Variants in STARD9 observed in about 807,000 individuals in gnomAD.
STARD9 encodes stAR-related lipid transfer protein 9.
STARD9 carries 346 observed loss-of-function variants against 399.8 expected under a neutral mutation model. The observed-to-expected ratio is 0.87, with a 90% CI of 0.79 to 0.95. STARD9 has a LOEUF of 0.95. STARD9 is among the 40% of genes least tolerant of loss of function. The pLI is 0.00. For synonymous variants in STARD9, 2,203 were observed against 2,143.5 expected (o/e 1.03, Z -0.77); for missense variants, 5,832 against 5,667.5 (o/e 1.03, Z -0.93).
In STARD9 at chr15:42,682,496, C is replaced by T. The variant is rs777891166; in HGVS notation, c.2458C>T (p.Pro820Ser). Reference sequence around the variant, plus strand: ...CCCTGATGCCACAGTCCCACGGCCTCCATGTAGAAGCAAATTGACGAGTTG... The same window carrying T: ...CCCTGATGCCACAGTCCCACGGCCTTCATGTAGAAGCAAATTGACGAGTTG... ...LSPDATVPRP[P>S]CRSKLTSCSS... is the part of the protein sequence containing the mutation. The change falls in exon 22 of 33, where the codon CCA (proline) becomes TCA (serine). Residue 820 changes from proline to serine, a missense_variant. Physicochemically the swap from Pro to Ser is moderately conservative, Grantham distance 74. Around this residue, in one of 2 missense-constraint regions of STARD9, gnomAD observed 5,828 missense variants for 5,651.1 expected, o/e 1.03. Coordinates refer to ENST00000290607, the MANE Select transcript of STARD9 (RefSeq NM_020759.3). The T allele has an allele frequency of 2.6e-6, 4 of 1,537,182 alleles. No individual in the cohort carries two copies. Among genetic ancestry groups the T allele is most frequent in the Middle Eastern group, 1.7e-4 (1 of 5,990 alleles).
chr15:42,662,565 A>G (rs1356192398), intron 10 of STARD9, among the ~76,000 whole-genome samples: 1 of 152,252 alleles, frequency 6.6e-6, no homozygotes. Context: ...CAGTCAAAAT[A>G]AAAACAGAAA....
chr15:42,694,430 C>T lies in STARD9; in HGVS notation c.12764+88C>T, dbSNP rs554472996. The T allele has an allele frequency of 2.4e-5, 36 of 1,526,008 alleles. No homozygotes were observed. The African/African-American group carries it at 4.5e-4, about 19-fold the overall frequency. The allele number at this position is 1,526,008 out of a possible 1,614,324, so 94.5% of individuals were successfully genotyped here. A position where few individuals can be genotyped will look rare whatever the true frequency, so the allele number is the denominator to read the frequency against. ...GAAAGCTAATAGCTTGCTGTTTCCT[C>T]TGCCCTGGTTCATCTCTGGGATCTT... is the stretch of plus-strand genomic sequence containing the variant. On this transcript the variant is annotated intron_variant, in intron 23 of 32. Coordinates refer to ENST00000290607, the MANE Select transcript of STARD9 (RefSeq NM_020759.3).
At position 42,686,692 on chromosome 15, in the gene STARD9, C is replaced by G. The variant is rs1034458334; in HGVS notation, c.5114C>G (p.Ser1705Cys). 1.3e-6 allele frequency: 2 copies of G among 1,537,686 alleles called. No individual in the cohort carries two copies. The highest frequency in any genetic ancestry group is 1.7e-6 in the Non-Finnish European group (2 of 1,147,006). ...EEEKTDCQES[S>C]KEAVRRHINV... ...GAGAAGACAGATTGCCAGGAGAGCT[C>G]TAAGGAAGCAGTTAGAAGACACATA... The change falls in exon 23 of 33, where the codon TCT (serine) becomes TGT (cysteine). Residue 1705 changes from serine (S) to cysteine (C), a missense_variant. Around this residue, in one of 2 missense-constraint regions of STARD9, gnomAD observed 5,828 missense variants for 5,651.1 expected, o/e 1.03. Coordinates refer to ENST00000290607, the MANE Select transcript of STARD9 (RefSeq NM_020759.3).
rs765925448 is a variant in STARD9 at position 42,661,167 on chromosome 15, G to T, written c.712G>T (p.Glu238Ter). Residue 238 changes from glutamate (E) to a stop codon, truncating the protein, a stop_gained, in exon 10 of 33, where the codon GAG (glutamate) becomes TAG (stop). Transcript: ENST00000290607. LOFTEE classifies it high-confidence loss of function. ...ATGTTTTCTCCTCTAGGCAATCCTG[G>T]AGAACAACCTCCCTTCTGAAATGGC... ...FTIHYTQAIL[E>*]NNLPSEMASK... 4 of 1,536,398 alleles carry T rather than the reference G, an allele frequency of 2.6e-6. No individual in the cohort carries two copies. In the South Asian group the frequency reaches 4.8e-5, roughly 18 times the overall value.
At chr15:42,714,229 A>T (rs1338138671) in intron 26 of STARD9, among the ~76,000 whole-genome samples, 8 of 151,586 alleles carry the variant, frequency 5.3e-5, no homozygotes. Context: ...TGCCCGGCTA[A>T]TTTTTTTGTA....
At chr15:42,703,665 G>A (rs757222232) in intron 26 of STARD9, among the ~76,000 whole-genome samples, 3 of 151,710 alleles carry the variant, frequency 2.0e-5, no homozygotes, top group East Asian at 1.9e-4. Context: ...GGGCCACCGC[G>A]CCTGGCCACA....
At position 42,688,120 on chromosome 15, in the gene STARD9, G is replaced by T; in HGVS notation, c.6542G>T (p.Cys2181Phe). 6.5e-7 allele frequency: 1 copy of T among 1,537,338 alleles called. No individual in the cohort carries two copies. Among genetic ancestry groups the T allele is most frequent in the Non-Finnish European group, 8.7e-7 (1 of 1,146,948 alleles). ...AGSDRPARDI[C>F]DSLGKHTTCR... Reference sequence around the variant, plus strand: ...TCGGACAGACCTGCCAGGGATATTTGTGATTCTTTAGGGAAACACACAACT... The same window carrying T: ...TCGGACAGACCTGCCAGGGATATTTTTGATTCTTTAGGGAAACACACAACT... The change falls in exon 23 of 33, where the codon TGT becomes TTT. Residue 2181 changes from cysteine to phenylalanine, a missense_variant. Around this residue, in one of 2 missense-constraint regions of STARD9, gnomAD observed 5,828 missense variants for 5,651.1 expected, o/e 1.03. Coordinates refer to ENST00000290607, the MANE Select transcript of STARD9 (RefSeq NM_020759.3).
At position 42,720,614 on chromosome 15, in the gene STARD9, A is replaced by G. The variant is rs2061434959; in HGVS notation, c.*1040A>G. 1 of 152,146 alleles carries G rather than the reference A, an allele frequency of 6.6e-6. No individual in the cohort carries two copies. Among genetic ancestry groups the G allele is most frequent in the Non-Finnish European group, 1.5e-5 (1 of 68,040 alleles). 9.4% of individuals were successfully genotyped at this position (152,146 alleles called of 1,614,324 possible). A position where few individuals can be genotyped will look rare whatever the true frequency, so the allele number is the denominator to read the frequency against. Reference sequence around the variant, plus strand: ...TTCTTGTACTTTAGCCTGGCTGAACATGAACTTTGTGTTTACCTGGAAGTG... The same window carrying G: ...TTCTTGTACTTTAGCCTGGCTGAACGTGAACTTTGTGTTTACCTGGAAGTG... On this transcript the variant is annotated 3_prime_UTR_variant, in exon 33 of 33. Coordinates refer to ENST00000290607, the MANE Select transcript of STARD9 (RefSeq NM_020759.3).
Position 42,674,463 on chromosome 15 carries a change from G to T in STARD9, c.1521G>T (p.Arg507Ser). 6.5e-7 allele frequency: 1 copy of T among 1,537,118 alleles called. No individual in the cohort carries two copies. ...HLKEGTTKIGRIDSDQEQDIV... is the reference protein window; with the variant it reads ...HLKEGTTKIGSIDSDQEQDIV... The stretch of plus-strand genomic sequence containing the variant: ...AGGAAGGGACAACAAAAATAGGAAG[G>T]ATTGACTCAGACCAGGAACAGGACA... The change falls in exon 17 of 33, where the codon AGG becomes AGT. Residue 507 changes from arginine (R) to serine (S), a missense_variant. Physicochemically the swap from Arg to Ser is moderately radical, Grantham distance 110 (BLOSUM62 -1). This residue lies in a region of STARD9 where 5,828 missense variants were observed against 5,651.1 expected (regional missense o/e 1.03). Transcript: ENST00000290607.
rs1385368216 is a variant in STARD9, at chr15:42,693,033, T to C, written c.11455T>C (p.Leu3819=). Residue 3819 remains leucine, a synonymous_variant, in exon 23 of 33, where the codon TTG becomes CTG. Coordinates refer to ENST00000290607, the MANE Select transcript of STARD9 (RefSeq NM_020759.3). ...GAGCCCTTCAATACCCTCATCCCAC[T>C]TGAGGTTTCAGAAAGCCCCCGTTGG... ...PQSPSIPSSH[L]RFQKAPVGQH... 2.0e-6 allele frequency: 3 copies of C among 1,537,156 alleles called. No homozygotes were observed. The highest frequency in any genetic ancestry group is 2.6e-6 in the Non-Finnish European group (3 of 1,146,886).
chr15:42,659,995 G>A (rs2140083658), intron 9 of STARD9, among the ~76,000 whole-genome samples: 1 of 152,324 alleles, frequency 6.6e-6, no homozygotes, highest in African/African-American at 2.4e-5. Context: ...ATGGATAACT[G>A]TGGTATATCC....
At position 42,687,355 on chromosome 15, in the gene STARD9, T is replaced by G; in HGVS notation, c.5777T>G (p.Val1926Gly). 1.3e-6 allele frequency: 2 copies of G among 1,536,728 alleles called. No homozygotes were observed. The highest frequency in any genetic ancestry group is 8.7e-7 in the Non-Finnish European group (1 of 1,146,918). The change falls in exon 23 of 33, where the codon GTT (valine) becomes GGT (glycine). Residue 1926 changes from valine (V) to glycine (G), a missense_variant. By Grantham distance (109) the Val-to-Gly change is moderately radical. Transcript: ENST00000290607. The part of the protein sequence containing the change: ...REEEELDQNT[V>G]LRQTINVSLE... Reference sequence around the variant, plus strand: ...GAAGAAGAGCTGGATCAGAATACGGTTCTGAGGCAGACCATCAATGTAAGC... The same window carrying G: ...GAAGAAGAGCTGGATCAGAATACGGGTCTGAGGCAGACCATCAATGTAAGC...
In STARD9 at chr15:42,641,635, G is replaced by T. The variant is rs191362594; in HGVS notation, c.559+2823G>T. Among the ~76,000 whole-genome samples the T allele has an allele frequency of 4.8e-5, 7 of 144,806 alleles. No individual in the cohort carries two copies. In the East Asian group the frequency reaches 1.4e-3, roughly 30 times the overall value. The allele number at this position is 144,806 out of a possible 152,430, so 95.0% of individuals were successfully genotyped here. The stretch of plus-strand genomic sequence containing the variant: ...TTTTTTTTTTTTGAGACAGAGTTTT[G>T]CACTTATTGCCCAGACTGGAGTGCA... On this transcript the variant is annotated intron_variant, in intron 7 of 32. Transcript: ENST00000290607.
chr15:42,636,432 T>G (rs1181747086), intron 4 of STARD9, among the ~76,000 whole-genome samples: 1 of 151,838 alleles, frequency 6.6e-6, no homozygotes, highest in African/African-American at 2.4e-5. Context: ...AATACAAAAA[T>G]TAGCCAGACA....
At chr15:42,622,362 T>C (rs1391617159) in intron 3 of STARD9, among the ~76,000 whole-genome samples, 2 of 152,158 alleles carry the variant, frequency 1.3e-5, no homozygotes, top group East Asian at 3.9e-4. Flanking sequence ...TCTCTCTCTC[T>C]CTCTCTGTCT....
intron 1 of STARD9, among the ~76,000 whole-genome samples, chr15:42,580,346 C>T (rs1349700048): frequency 1.3e-5 from 2 of 152,202 alleles, no homozygotes; most frequent in African/African-American, 4.8e-5. Flanking sequence ...AATCTTGCAA[C>T]ACTGAACCAT....
At chr15:42,662,412 T>C (rs1348864252) in intron 10 of STARD9, among the ~76,000 whole-genome samples, 2 of 152,186 alleles carry the variant, frequency 1.3e-5, no homozygotes, top group African/African-American at 4.8e-5. Flanking sequence ...AAAAAAGAAA[T>C]TCAAACTGTT....
chr15:42,607,237 C>G (rs1432373603), intron 3 of STARD9, among the ~76,000 whole-genome samples: 1 of 114,464 alleles, frequency 8.7e-6, no homozygotes, highest in Non-Finnish European at 1.7e-5. Flanking sequence ...GAGTCTCTCT[C>G]TGTCACCCAG....
chr15:42,693,325 G>A lies in STARD9; in HGVS notation c.11747G>A (p.Gly3916Asp). 2 of 1,537,092 alleles carry A rather than the reference G, an allele frequency of 1.3e-6. No individual in the cohort carries two copies. The highest frequency in any genetic ancestry group is 1.7e-6 in the Non-Finnish European group (2 of 1,146,886). ...ASTQEPGLSP[G>D]SLTLSAPSTH... ...ACCCAAGAGCCGGGTCTTTCCCCAG[G>A]CTCTTTGACCCTCTCAGCCCCTTCA... Residue 3916 changes from glycine to aspartate, a missense_variant, in exon 23 of 33, where the codon GGC (glycine) becomes GAC (aspartate). Gly to Asp is a moderately conservative substitution (Grantham distance 94). This residue lies in a region of STARD9 where 5,828 missense variants were observed against 5,651.1 expected (regional missense o/e 1.03). Coordinates refer to ENST00000290607, the MANE Select transcript of STARD9 (RefSeq NM_020759.3).
Sources: allele counts gnomAD v4.1 joint callset (sites outside exome capture counted in the v4.1 genomes callset), GRCh38; gene constraint gnomAD v4.1.1; regional missense constraint gnomAD v4.1.1; transcripts MANE v1.5; gene names NCBI Gene and HGNC (gene_info 2026-07-23, HGNC 2026-07-21).